ACP3: variants seen among roughly 807,000 people sequenced by gnomAD.
The protein encoded by ACP3 is acid phosphatase 3.
ACP3 carries 38 observed loss-of-function variants against 45.6 expected under a neutral mutation model. The ratio of observed to expected loss-of-function variants is 0.83; its 90% CI spans 0.64 to 1.09. ACP3 has a LOEUF of 1.09. Among genes scored for constraint, ACP3 ranks in the 50% least tolerant of loss-of-function variants. The pLI is 0.00. For missense variants in ACP3, 466 were observed against 463.2 expected, an observed-to-expected ratio of 1.01 and a Z score of -0.05; for synonymous variants, 162 against 164.7, an observed-to-expected ratio of 0.98 and a Z score of 0.13.
At chr3:132,332,461 C>A in intron 4 of ACP3, 117 bp downstream of exon 4, 1 of 1,189,434 alleles carries the variant, frequency 8.4e-7, no homozygotes, top group Middle Eastern at 2.2e-4. Context: ...AGTTTTAATT[C>A]TTTCTTAAAT....
At chr3:132,338,434 A>G (rs1444057867) in intron 5 of ACP3, among the ~76,000 whole-genome samples, 1 of 152,176 alleles carries the variant, frequency 6.6e-6, no homozygotes, top group Non-Finnish European at 1.5e-5. Context: ...ATTGATAGGA[A>G]TATGGGTCAT....
intron 7 of ACP3, 102 bp downstream of exon 7, chr3:132,345,161 A>G (rs1309539256): frequency 4.6e-6 from 5 of 1,088,234 alleles, no homozygotes; most frequent in Non-Finnish European, 6.6e-6. Context: ...CAGACAGTTC[A>G]CTTAATCACT....
In ACP3 at chr3:132,356,987, G is replaced by C. The variant is rs886328247; in HGVS notation, c.*109G>C. 5.9e-5 allele frequency: 84 copies of C among 1,429,644 alleles called. No individual in the cohort carries two copies. In the African/African-American group the frequency reaches 1.1e-3, roughly 19 times the overall value. 88.6% of individuals were successfully genotyped at this position (1,429,644 alleles called of 1,614,324 possible). On this transcript the variant is annotated 3_prime_UTR_variant, in exon 10 of 10. Coordinates refer to ENST00000336375, the MANE Select transcript of ACP3 (RefSeq NM_001099.5). ...CCAGCTTTGAGGAAAATGGGCTTTGGATGATTATTTTATGTTTTAGGGACC... is the reference window on the plus strand; with the variant it reads ...CCAGCTTTGAGGAAAATGGGCTTTGCATGATTATTTTATGTTTTAGGGACC...
At chr3:132,365,572 T>G (rs1273075758) in intron 10 of ACP3, among the ~76,000 whole-genome samples, 1 of 152,234 alleles carries the variant, frequency 6.6e-6, no homozygotes, top group Non-Finnish European at 1.5e-5. Context: ...CCTCATAAAC[T>G]ATCATCATTA....
Position 132,358,312 on chromosome 3 carries a change from C to T in ACP3, c.*1434C>T, listed in dbSNP as rs1937963360. ...GTTCTAAGTGCCTCCAAGTTCAAAA[C>T]TTATTGGAATGTTGAGAGTGTGGTT... is the stretch of plus-strand genomic sequence containing the variant. On this transcript the variant is annotated 3_prime_UTR_variant, in exon 10 of 10. Transcript: ENST00000336375. 9.8e-6 allele frequency: 11 copies of T among 1,117,422 alleles called. No homozygotes were observed. The highest frequency in any genetic ancestry group is 2.5e-4 in the Middle Eastern group (1 of 3,984). 69.2% of individuals were successfully genotyped at this position (1,117,422 alleles called of 1,614,324 possible). A position where few individuals can be genotyped will look rare whatever the true frequency, so the allele number is the denominator to read the frequency against.
downstream of ACP3, among the ~76,000 whole-genome samples, chr3:132,361,044 A>T (rs1938031715): frequency 6.6e-6 from 1 of 152,252 alleles, no homozygotes; most frequent in Non-Finnish European, 1.5e-5. Flanking sequence ...AAAAGTGATT[A>T]TACTGTAGAG....
intron 8 of ACP3, among the ~76,000 whole-genome samples, chr3:132,350,322 G>C (rs1490952329): frequency 6.6e-6 from 1 of 152,132 alleles, no homozygotes; most frequent in Non-Finnish European, 1.5e-5. Flanking sequence ...CCTAGACAAG[G>C]CAGCACATCC....
chr3:132,346,867 G>A (rs1255218365), intron 7 of ACP3, among the ~76,000 whole-genome samples: 1 of 152,188 alleles, frequency 6.6e-6, no homozygotes, highest in Non-Finnish European at 1.5e-5. Flanking sequence ...TAGAAACACA[G>A]GCCCCACTCC....
chr3:132,324,208 G>T (rs145571678), intron 1 of ACP3, among the ~76,000 whole-genome samples: 2,100 of 132,458 alleles, frequency 0.016, 51 homozygotes, highest in African/African-American at 0.057. Context: ...ACAAGAGCAG[G>T]ACTCCATCTC....
In ACP3 at chr3:132,358,399, ACCTAAGCAAACTTACAGGT is replaced by A; in HGVS notation, c.*1525_*1543del. ...TCTTTAATGCCGATATCTTCAGAAA[ACCTAAGCAAACTTACAGGT>A]CCTGCTGAAACTGCCCACTCTGCAA... On this transcript the variant is annotated 3_prime_UTR_variant, in exon 10 of 10. Transcript: ENST00000336375. 1 of 1,252,680 alleles carries A rather than the reference ACCTAAGCAAACTTACAGGT, an allele frequency of 8.0e-7. No individual in the cohort carries two copies. The highest frequency in any genetic ancestry group is 1.0e-6 in the Non-Finnish European group (1 of 966,058). 77.6% of individuals were successfully genotyped at this position (1,252,680 alleles called of 1,614,324 possible).
chr3:132,354,159 C>A (rs1937822308), intron 9 of ACP3, among the ~76,000 whole-genome samples: 1 of 152,180 alleles, frequency 6.6e-6, no homozygotes, highest in African/African-American at 2.4e-5. Context: ...CATCAGAAGG[C>A]CAGCTCTGGG....
At chr3:132,340,950 T>C (rs1029625968) in intron 5 of ACP3, among the ~76,000 whole-genome samples, 4 of 152,198 alleles carry the variant, frequency 2.6e-5, no homozygotes, top group Non-Finnish European at 4.4e-5. Flanking sequence ...TAAATTTATT[T>C]AACTTAGGGA....
chr3:132,317,649 G>A, intron 1 of ACP3, 73 bp downstream of exon 1: 1 of 1,492,808 alleles, frequency 6.7e-7, no homozygotes, highest in East Asian at 2.4e-5. Flanking sequence ...CAAGCGTCAG[G>A]TTTCATCTTA....
chr3:132,327,387 G>A (rs1559829347), intron 1 of ACP3, among the ~76,000 whole-genome samples: 1 of 151,376 alleles, frequency 6.6e-6, no homozygotes, highest in Non-Finnish European at 1.5e-5. Context: ...GGTGGCGTGT[G>A]CCTGTAATCC....
Position 132,317,528 on chromosome 3 carries a change from C to G in ACP3, c.72C>G (p.Phe24Leu). The G allele has an allele frequency of 6.2e-7, 1 of 1,613,742 alleles. No homozygotes were observed. Among genetic ancestry groups the G allele is most frequent in the Non-Finnish European group, 8.5e-7 (1 of 1,179,822 alleles). Residue 24 changes from phenylalanine (F) to leucine (L), a missense_variant, in exon 1 of 10, where the codon TTC becomes TTG. By Grantham distance (22) the Phe-to-Leu change is conservative. Transcript: ENST00000336375. ...LSLGFLFLLF[F>L]WLDRSVLAKE... ...TTGGCTTCTTGTTTCTGCTTTTTTT[C>G]TGGCTAGACCGAAGTGTACTAGCCA...
rs1463785848 is a variant in ACP3, at chr3:132,358,436, C to G, written c.*1558C>G. 7.9e-7 allele frequency: 1 copy of G among 1,273,524 alleles called. No individual in the cohort carries two copies. The highest frequency in any genetic ancestry group is 1.0e-6 in the Non-Finnish European group (1 of 979,614). The allele number at this position is 1,273,524 out of a possible 1,614,324, so 78.9% of individuals were successfully genotyped here. A position where few individuals can be genotyped will look rare whatever the true frequency, so the allele number is the denominator to read the frequency against. On this transcript the variant is annotated 3_prime_UTR_variant, in exon 10 of 10. Coordinates refer to ENST00000336375, the MANE Select transcript of ACP3 (RefSeq NM_001099.5). ...TTACAGGTCCTGCTGAAACTGCCCA[C>G]TCTGCAAGAAGAAATCATGATATAG...
At chr3:132,350,046 G>T in intron 8 of ACP3, 44 bp downstream of exon 8, 1 of 1,355,190 alleles carries the variant, frequency 7.4e-7, no homozygotes. Flanking sequence ...GTTCAAGTGT[G>T]TGATCTCTTG....
chr3:132,320,113 C>A (rs536880505), intron 1 of ACP3, among the ~76,000 whole-genome samples: 1 of 152,240 alleles, frequency 6.6e-6, no homozygotes, highest in Non-Finnish European at 1.5e-5. Context: ...TTTAAAAGGT[C>A]TCTTTAATGC....
intron 9 of ACP3, among the ~76,000 whole-genome samples, chr3:132,355,630 G>C (rs535076798): frequency 8.3e-4 from 126 of 151,992 alleles, no homozygotes; most frequent in Non-Finnish European, 1.1e-3. Flanking sequence ...TGATTCTCCC[G>C]CCCCAGCCTC....
Sources: allele counts gnomAD v4.1 joint callset (sites outside exome capture counted in the v4.1 genomes callset), GRCh38; gene constraint gnomAD v4.1.1; transcripts MANE v1.5; gene names NCBI Gene and HGNC (gene_info 2026-07-23, HGNC 2026-07-21).